Variants in ULK4 observed in about 807,000 individuals in gnomAD.
ULK4 encodes unc-51 like kinase 4, also known as inactive serine/threonine-protein kinase ULK4.
In ULK4, 133 loss-of-function variants were observed where a neutral mutation model predicts 160.6. That is an observed-to-expected ratio of 0.83 (90% CI 0.72 to 0.96). ULK4 has a LOEUF of 0.96. Among genes scored for constraint, ULK4 ranks in the 40% least tolerant of loss-of-function variants. The pLI, the probability that ULK4 is intolerant of heterozygous loss-of-function variation, is 0.00. For synonymous variants in ULK4, 534 were observed against 539.8 expected (o/e 0.99, Z 0.15); for missense variants, 1,580 against 1,499.5 (o/e 1.05, Z -0.89).
intron 35 of ULK4, among the ~76,000 whole-genome samples, chr3:41,340,545 T>C (rs569682812): frequency 6.6e-6 from 1 of 152,376 alleles, no homozygotes; most frequent in African/African-American, 2.4e-5. Context: ...CTATCTAATA[T>C]AGTAGTTACT....
chr3:41,874,176 A>T (rs1009982091), intron 17 of ULK4, among the ~76,000 whole-genome samples: 12 of 152,310 alleles, frequency 7.9e-5, no homozygotes, highest in Non-Finnish European at 1.5e-4. Flanking sequence ...TAGTTGTTCT[A>T]GTAATGAAAA....
chr3:41,877,629 A>G (rs112640801), intron 17 of ULK4, among the ~76,000 whole-genome samples: 9,017 of 152,174 alleles, frequency 0.059, 847 homozygotes, highest in African/African-American at 0.21. Flanking sequence ...CCAGCCAGGA[A>G]TTTTAGCTTA....
At chr3:41,530,316 A>G (rs957872207) in intron 32 of ULK4, among the ~76,000 whole-genome samples, 5 of 152,210 alleles carry the variant, frequency 3.3e-5, no homozygotes, top group Non-Finnish European at 7.3e-5. Flanking sequence ...ACACATTCAA[A>G]AAGATAGGGT....
intron 35 of ULK4, among the ~76,000 whole-genome samples, chr3:41,272,016 A>G (rs1159098227): frequency 6.6e-6 from 1 of 152,142 alleles, no homozygotes; most frequent in East Asian, 1.9e-4. Flanking sequence ...TCCCAGGTTC[A>G]AGTGATTCTT....
intron 35 of ULK4, among the ~76,000 whole-genome samples, chr3:41,366,573 A>ACT (rs1553648973): frequency 3.0e-4 from 46 of 151,442 alleles, no homozygotes; most frequent in Admixed American, 5.3e-4. Flanking sequence ...ACACACACAC[A>ACT]CTTTATCTAT....
At chr3:41,632,305 A>C (rs1384308338) in intron 30 of ULK4, among the ~76,000 whole-genome samples, 1 of 152,208 alleles carries the variant, frequency 6.6e-6, no homozygotes, top group Non-Finnish European at 1.5e-5. Flanking sequence ...AATAATAAAA[A>C]ACAGAAATTC....
chr3:41,418,399 T>C (rs963957558), intron 34 of ULK4, among the ~76,000 whole-genome samples: 2 of 151,044 alleles, frequency 1.3e-5, no homozygotes, highest in Non-Finnish European at 2.9e-5. Context: ...TTTCAAACTG[T>C]CACAAATCTG....
At chr3:41,543,518 G>A (rs2086761386) in intron 32 of ULK4, among the ~76,000 whole-genome samples, 1 of 152,078 alleles carries the variant, frequency 6.6e-6, no homozygotes, top group South Asian at 2.1e-4. Context: ...AGTCCTCTGG[G>A]TTATCTTCTT....
chr3:41,637,158 A>T (rs1174437992), intron 30 of ULK4, among the ~76,000 whole-genome samples: 1 of 152,140 alleles, frequency 6.6e-6, no homozygotes, highest in East Asian at 1.9e-4. Context: ...TTACATCCTA[A>T]CTGAAATTTT....
In ULK4 at chr3:41,714,853, A is replaced by T. The variant is rs1024854182; in HGVS notation, c.2634+384T>A. On this transcript the variant is annotated intron_variant, in intron 25 of 36. Transcript: ENST00000301831. ...GGCAACAGAGCGAGACTCTGTCTTT[A>T]AAAAAAAAAAAGAAACTGCACATGA... Among the ~76,000 whole-genome samples, 10 of 80,184 alleles carry T rather than the reference A, an allele frequency of 1.2e-4. No homozygotes were observed. In the Middle Eastern group the frequency reaches 0.021, roughly 169 times the overall value. The allele number at this position is 80,184 out of a possible 152,430, so 52.6% of individuals were successfully genotyped here.
At chr3:41,880,909 C>T (rs776332551) in intron 17 of ULK4, among the ~76,000 whole-genome samples, 15 of 151,570 alleles carry the variant, frequency 9.9e-5, no homozygotes, top group South Asian at 2.1e-4. Flanking sequence ...GGCAACAGAG[C>T]GAGACTCTAT....
At chr3:41,686,419 G>C (rs2036103592) in intron 27 of ULK4, among the ~76,000 whole-genome samples, 1 of 152,260 alleles carries the variant, frequency 6.6e-6, no homozygotes, top group Non-Finnish European at 1.5e-5. Flanking sequence ...GAAACAAATA[G>C]TTACGAAGAG....
intron 35 of ULK4, among the ~76,000 whole-genome samples, chr3:41,330,592 G>A (rs1438582127): frequency 6.6e-6 from 1 of 152,162 alleles, no homozygotes; most frequent in Non-Finnish European, 1.5e-5. Flanking sequence ...TAGTCAGAGG[G>A]TCAGAGCCAA....
chr3:41,506,021 T>A (rs2085360399), intron 32 of ULK4, among the ~76,000 whole-genome samples: 1 of 152,188 alleles, frequency 6.6e-6, no homozygotes, highest in Non-Finnish European at 1.5e-5. Flanking sequence ...TATAAATATA[T>A]GTTTGTCAAA....
intron 16 of ULK4, among the ~76,000 whole-genome samples, chr3:41,888,700 C>T (rs1697814115): frequency 6.6e-6 from 1 of 152,200 alleles, no homozygotes; most frequent in Non-Finnish European, 1.5e-5. Context: ...AGTGAGCAAT[C>T]CACCTTGGGG....
chr3:41,882,597 A>G (rs549275595), intron 17 of ULK4, among the ~76,000 whole-genome samples: 4 of 152,358 alleles, frequency 2.6e-5, no homozygotes, highest in East Asian at 1.9e-4. Context: ...TCAGCTTCCT[A>G]AAGTATCCAT....
chr3:41,893,850 G>A (rs773347700), intron 16 of ULK4, among the ~76,000 whole-genome samples: 14 of 151,832 alleles, frequency 9.2e-5, no homozygotes, highest in Non-Finnish European at 1.2e-4. Context: ...ATATATCTAC[G>A]TCAATAATAA....
At chr3:41,723,300 G>A (rs2037539071) in intron 22 of ULK4, among the ~76,000 whole-genome samples, 1 of 152,008 alleles carries the variant, frequency 6.6e-6, no homozygotes, top group South Asian at 2.1e-4. Context: ...CTCCCATTGG[G>A]TTGTTGATCT....
chr3:41,432,889 TTA>T (rs1491210482), intron 34 of ULK4, among the ~76,000 whole-genome samples: 1 of 140,448 alleles, frequency 7.1e-6, no homozygotes, highest in African/African-American at 3.1e-5. Context: ...AAATAAACGT[TTA>T]AAAAAAAAAA....
Sources: gnomAD v4.1 joint callset for allele counts (sites outside exome capture counted in the v4.1 genomes callset) on GRCh38, gnomAD v4.1.1 for gene constraint, MANE v1.5 for transcripts, NCBI Gene and HGNC (gene_info 2026-07-23, HGNC 2026-07-21) for gene names.